Variants in VSTM2B observed in about 807,000 individuals in gnomAD.
The protein encoded by VSTM2B is V-set and transmembrane domain containing 2B.
Under a neutral mutation model 24.0 loss-of-function variants are expected in VSTM2B, and 24 were observed. The observed-to-expected ratio is 1.00, with a 90% CI of 0.72 to 1.40. The LOEUF is 1.40. VSTM2B is among the 40% of genes most tolerant of loss of function. VSTM2B has a pLI of 0.00. For missense variants in VSTM2B, 399 were observed against 416.4 expected (o/e 0.96, Z 0.36); for synonymous variants, 226 against 194.4 (o/e 1.16, Z -1.35).
chr19:29,556,626 A>T (rs942682376), intron 4 of VSTM2B, among the ~76,000 whole-genome samples: 2 of 152,068 alleles, frequency 1.3e-5, no homozygotes, highest in African/African-American at 4.8e-5. Flanking sequence ...TATCTAGAAA[A>T]CCCCATTGTC....
rs1054587352 is a variant in VSTM2B at position 29,564,263 on chromosome 19, T to C, written c.*329T>C. The C allele has an allele frequency of 1.7e-5, 3 of 179,672 alleles. No homozygotes were observed. The highest frequency in any genetic ancestry group is 3.5e-5 in the Non-Finnish European group (3 of 85,820). The allele number at this position is 179,672 out of a possible 1,614,324, so 11.1% of individuals were successfully genotyped here. ...TTGAGCAGTTATCTTTAGGATAATA[T>C]GTACAAATGTTGGGGTCAAAGCCTT... On this transcript the variant is annotated 3_prime_UTR_variant, in exon 5 of 5. Transcript: ENST00000335523.
Position 29,527,496 on chromosome 19 carries a change from C to T in VSTM2B, c.267+101C>T, listed in dbSNP as rs376477919. On this transcript the variant is annotated intron_variant, in intron 2 of 4. Coordinates refer to ENST00000335523, the MANE Select transcript of VSTM2B (RefSeq NM_001146339.2). ...AGCAGCGGGCTTCACTCGCGCAGGGCGCCGCCCTGTGGCGCAGCCCATCTT... is the reference window on the plus strand; with the variant it reads ...AGCAGCGGGCTTCACTCGCGCAGGGTGCCGCCCTGTGGCGCAGCCCATCTT... The T allele has an allele frequency of 2.7e-4, 305 of 1,114,670 alleles. 1 individual carries two copies. The South Asian group carries it at 5.4e-3, about 20-fold the overall frequency. The allele number at this position is 1,114,670 out of a possible 1,614,324, so 69.0% of individuals were successfully genotyped here.
intron 4 of VSTM2B, among the ~76,000 whole-genome samples, chr19:29,549,261 C>A (rs887928462): frequency 6.6e-6 from 1 of 152,272 alleles, no homozygotes; most frequent in Middle Eastern, 3.4e-3. Context: ...TAGAAGACAG[C>A]ATTTTGTAAC....
chr19:29,547,838 T>C (rs932672036), intron 4 of VSTM2B, among the ~76,000 whole-genome samples: 14 of 151,842 alleles, frequency 9.2e-5, no homozygotes, highest in African/African-American at 3.1e-4. Flanking sequence ...TGGATATGCC[T>C]GTAGGGAACC....
chr19:29,538,057 C>T (rs1969934174), intron 4 of VSTM2B, among the ~76,000 whole-genome samples: 1 of 152,196 alleles, frequency 6.6e-6, no homozygotes, highest in Non-Finnish European at 1.5e-5. Context: ...AGCATGCTGG[C>T]TCACAGGTAA....
intron 3 of VSTM2B, 81 bp downstream of exon 3, chr19:29,528,543 G>A: frequency 6.6e-7 from 1 of 1,518,800 alleles, no homozygotes; most frequent in Non-Finnish European, 8.9e-7. Context: ...TTAGCAAGCC[G>A]CGGCGGCCGC....
In VSTM2B at chr19:29,526,108, C is replaced by G. The variant is rs1410611005; in HGVS notation, c.-476C>G. Among the ~76,000 whole-genome samples, 5 of 151,776 alleles carry G rather than the reference C, an allele frequency of 3.3e-5. No individual in the cohort carries two copies. Among genetic ancestry groups the G allele is most frequent in the Admixed American group, 3.3e-4 (5 of 15,270 alleles). On this transcript the variant is annotated 5_prime_UTR_variant, in exon 1 of 5. Coordinates refer to ENST00000335523, the MANE Select transcript of VSTM2B (RefSeq NM_001146339.2). The surrounding 1 kb of genome is among the most constrained non-coding windows in gnomAD (Gnocchi z 4.1). The stretch of plus-strand genomic sequence containing the variant: ...CGCCCACTCGCCCTGCGGAAAGAGC[C>G]GCGGAGGAACCGGCGGGGGCGGCTG...
chr19:29,550,553 G>A (rs1260466530), intron 4 of VSTM2B, among the ~76,000 whole-genome samples: 3 of 152,144 alleles, frequency 2.0e-5, no homozygotes, highest in Admixed American at 2.0e-4. Context: ...TGTCCTCATG[G>A]TAGAATATCC....
rs1054698537 is a variant in VSTM2B, at chr19:29,530,218, G to A, written c.697G>A (p.Ala233Thr). The change falls in exon 4 of 5, where the codon GCA (alanine) becomes ACA (threonine). Residue 233 changes from alanine to threonine, a missense_variant. Ala to Thr is a moderately conservative substitution (Grantham distance 58). Coordinates refer to ENST00000335523, the MANE Select transcript of VSTM2B (RefSeq NM_001146339.2). ...CCACACGCCCACCACCACAGTCGCG[G>A]CAGCTGCTGCTGCCTCGTCAGCGTC... ...AAHTPTTTVA[A>T]AAAASSASPP... is the part of the protein sequence containing the mutation. 2 of 1,503,528 alleles carry A rather than the reference G, an allele frequency of 1.3e-6. No individual in the cohort carries two copies. Among genetic ancestry groups the A allele is most frequent in the Non-Finnish European group, 1.8e-6 (2 of 1,133,256 alleles). 93.1% of individuals were successfully genotyped at this position (1,503,528 alleles called of 1,614,324 possible).
At chr19:29,538,324 G>A (rs1256036788) in intron 4 of VSTM2B, among the ~76,000 whole-genome samples, 1 of 152,164 alleles carries the variant, frequency 6.6e-6, no homozygotes, top group East Asian at 1.9e-4. Context: ...GGATCCGGGG[G>A]GATAATCCGT....
At chr19:29,542,294 G>A (rs986498639) in intron 4 of VSTM2B, among the ~76,000 whole-genome samples, 1 of 151,588 alleles carries the variant, frequency 6.6e-6, no homozygotes, top group African/African-American at 2.4e-5. Context: ...AGAATGAATA[G>A]GTGGGTAAGA....
chr19:29,555,135 C>G (rs934483622), intron 4 of VSTM2B, among the ~76,000 whole-genome samples: 1 of 152,144 alleles, frequency 6.6e-6, no homozygotes, highest in Non-Finnish European at 1.5e-5. Flanking sequence ...ATGGCACTTA[C>G]TCTAAAATCG....
chr19:29,527,297 A>C lies in VSTM2B; in HGVS notation c.169A>C (p.Thr57Pro). The C allele has an allele frequency of 1.9e-6, 3 of 1,550,360 alleles. No individual in the cohort carries two copies. The highest frequency in any genetic ancestry group is 2.6e-6 in the Non-Finnish European group (3 of 1,146,814). ...CTGCGCGTTCCGGGCCAGCGGAGCCACCTCGTATTCGCTGGAGATTCAGTG... is the reference window on the plus strand; with the variant it reads ...CTGCGCGTTCCGGGCCAGCGGAGCCCCCTCGTATTCGCTGGAGATTCAGTG... ...MPCAFRASGA[T>P]SYSLEIQWWY... Residue 57 changes from threonine to proline, a missense_variant, in exon 2 of 5, where the codon ACC becomes CCC. By Grantham distance (38) the Thr-to-Pro change is conservative (BLOSUM62 -1). Transcript: ENST00000335523.
intron 3 of VSTM2B, 135 bp downstream of exon 3, chr19:29,528,597 T>C: frequency 8.8e-7 from 1 of 1,138,744 alleles, no homozygotes; most frequent in Non-Finnish European, 1.3e-6. Context: ...CAGCCTTGCA[T>C]CGGTGGCTGC....
chr19:29,536,334 A>T (rs1179770476), intron 4 of VSTM2B, among the ~76,000 whole-genome samples: 1 of 152,222 alleles, frequency 6.6e-6, no homozygotes, highest in East Asian at 1.9e-4. Context: ...ACAGCTTGAA[A>T]GAAGCACCTG....
intron 4 of VSTM2B, among the ~76,000 whole-genome samples, chr19:29,534,950 C>T (rs1969854473): frequency 6.6e-6 from 1 of 152,180 alleles, no homozygotes; most frequent in Non-Finnish European, 1.5e-5. Flanking sequence ...CCATTAGCTA[C>T]CGCACAGCCA....
At chr19:29,530,687 G>A (rs1568437636) in intron 4 of VSTM2B, among the ~76,000 whole-genome samples, 1 of 152,150 alleles carries the variant, frequency 6.6e-6, no homozygotes, top group African/African-American at 2.4e-5. Flanking sequence ...CCCCAGATGG[G>A]GGCACTGGCA....
intron 4 of VSTM2B, among the ~76,000 whole-genome samples, chr19:29,532,521 C>G (rs1319132748): frequency 6.6e-6 from 1 of 152,176 alleles, no homozygotes; most frequent in Admixed American, 6.5e-5. Flanking sequence ...GAAATGTGTG[C>G]ATTACAGGCT....
At chr19:29,545,646 G>C (rs1970136027) in intron 4 of VSTM2B, among the ~76,000 whole-genome samples, 1 of 152,158 alleles carries the variant, frequency 6.6e-6, no homozygotes, top group African/African-American at 2.4e-5. Flanking sequence ...CTCTGTTTCT[G>C]CAAAGGACAT....
Sources: gnomAD v4.1 joint callset for allele counts (sites outside exome capture counted in the v4.1 genomes callset) on GRCh38, gnomAD v4.1.1 for gene constraint, Gnocchi (gnomAD v3.1) non-coding constraint, MANE v1.5 for transcripts, NCBI Gene and HGNC (gene_info 2026-07-23, HGNC 2026-07-21) for gene names.